Variants in ASXL3 observed in about 807,000 individuals in gnomAD.
ASXL3 encodes ASXL transcriptional regulator 3, also known as putative Polycomb group protein ASXL3.
ASXL3 carries 34 observed loss-of-function variants against 170.6 expected under a neutral mutation model. The observed-to-expected ratio is 0.20, with a 90% CI of 0.15 to 0.27. The LOEUF (loss-of-function observed/expected upper bound fraction) is 0.27. Ranked by LOEUF, ASXL3 falls within the 10% of genes least tolerant of loss-of-function variation. The probability of loss-of-function intolerance (pLI) is 1.00; values close to 1 mark genes in which losing one functional copy is unlikely to be tolerated. For missense variants in ASXL3, 2,592 were observed against 2,695.3 expected, an observed-to-expected ratio of 0.96 and a Z score of 0.85; for synonymous variants, 1,002 against 989.1, an observed-to-expected ratio of 1.01 and a Z score of -0.24.
At chr18:33,685,938 C>T (rs2066589607) in intron 8 of ASXL3, among the ~76,000 whole-genome samples, 1 of 152,212 alleles carries the variant, frequency 6.6e-6, no homozygotes, top group South Asian at 2.1e-4. Context: ...GGTCACATTT[C>T]AACATGAGGT....
Position 33,713,306 on chromosome 18 carries a change from G to A in ASXL3, c.880-18662G>A, listed in dbSNP as rs1331072208. On this transcript the variant is annotated intron_variant, in intron 8 of 11. Coordinates refer to ENST00000269197, the MANE Select transcript of ASXL3 (RefSeq NM_030632.3). ...GGGTCTTACCGTCACCCAGGCTGGAGTGCAGTGGCACAATCTTGGCTCACT... is the reference window on the plus strand; with the variant it reads ...GGGTCTTACCGTCACCCAGGCTGGAATGCAGTGGCACAATCTTGGCTCACT... Among the ~76,000 whole-genome samples the A allele has an allele frequency of 5.1e-5, 5 of 99,002 alleles. 1 individual carries two copies. The highest frequency in any genetic ancestry group is 6.8e-4 in the South Asian group (2 of 2,926). The allele number at this position is 99,002 out of a possible 152,430, so 64.9% of individuals were successfully genotyped here. A position where few individuals can be genotyped will look rare whatever the true frequency, so the allele number is the denominator to read the frequency against.
intron 2 of ASXL3, among the ~76,000 whole-genome samples, chr18:33,638,332 G>A (rs2065801146): frequency 6.6e-6 from 1 of 151,786 alleles, no homozygotes; most frequent in South Asian, 2.1e-4. Context: ...CAAAATGTTG[G>A]GATTACGGGC....
chr18:33,622,292 C>T (rs1436305185), intron 2 of ASXL3, among the ~76,000 whole-genome samples: 1 of 152,046 alleles, frequency 6.6e-6, no homozygotes, highest in African/African-American at 2.4e-5. Context: ...TGATATTGAT[C>T]CCTGACCTTC....
At chr18:33,590,258 C>G (rs895360700) in intron 1 of ASXL3, among the ~76,000 whole-genome samples, 2 of 151,878 alleles carry the variant, frequency 1.3e-5, no homozygotes, top group Non-Finnish European at 2.9e-5. Flanking sequence ...AAGACAATCT[C>G]AGTCTCTTTT....
intron 8 of ASXL3, among the ~76,000 whole-genome samples, chr18:33,692,825 A>T (rs1295989353): frequency 6.6e-6 from 1 of 152,216 alleles, no homozygotes; most frequent in Non-Finnish European, 1.5e-5. Flanking sequence ...TTAGCCACAG[A>T]TATTAGAGAA....
intron 8 of ASXL3, among the ~76,000 whole-genome samples, chr18:33,692,656 T>C (rs2066704848): frequency 6.6e-6 from 1 of 152,208 alleles, no homozygotes; most frequent in Non-Finnish European, 1.5e-5. Flanking sequence ...TTTTCCTCAT[T>C]GGAATAATGG....
At chr18:33,607,434 T>C (rs907356552) in intron 1 of ASXL3, among the ~76,000 whole-genome samples, 160 bp from the exon 2 acceptor site, 3 of 151,946 alleles carry the variant, frequency 2.0e-5, no homozygotes, top group Admixed American at 1.3e-4. Flanking sequence ...TCCAAAAAAA[T>C]TACGTTCTTC....
chr18:33,687,865 G>C (rs571179362), intron 8 of ASXL3, among the ~76,000 whole-genome samples: 2 of 152,082 alleles, frequency 1.3e-5, no homozygotes, highest in South Asian at 4.1e-4. Context: ...ACATTTATTG[G>C]CTCAGTTAAT....
chr18:33,681,800 T>C (rs141081684), intron 7 of ASXL3, among the ~76,000 whole-genome samples: 2 of 152,208 alleles, frequency 1.3e-5, no homozygotes, highest in East Asian at 1.9e-4. Context: ...TCTATAAATA[T>C]GCATTTTGAC....
At chr18:33,682,636 T>A (rs1032824660) in intron 7 of ASXL3, among the ~76,000 whole-genome samples, 1 of 152,012 alleles carries the variant, frequency 6.6e-6, no homozygotes, top group Non-Finnish European at 1.5e-5. Context: ...CACCCCTACC[T>A]CCCGCGCTTA....
chr18:33,676,222 C>CAAAAAAAAAAAAAAAAA (rs568221465), intron 7 of ASXL3, among the ~76,000 whole-genome samples: 5,871 of 41,592 alleles, frequency 0.14, 1,281 homozygotes, highest in East Asian at 0.21. Flanking sequence ...GACTCCGTCT[C>CAAAAAAAAAAAAAAAAA]AAAAAAAAAA....
Position 33,743,371 on chromosome 18 carries a change from C to G in ASXL3, c.3523C>G (p.Leu1175Val). 1 of 1,613,268 alleles carries G rather than the reference C, an allele frequency of 6.2e-7. No homozygotes were observed. The highest frequency in any genetic ancestry group is 2.2e-5 in the East Asian group (1 of 44,862). Residue 1175 changes from leucine (L) to valine (V), a missense_variant, in exon 12 of 12, where the codon CTC (leucine) becomes GTC (valine). Around this residue, in one of 4 missense-constraint regions of ASXL3, gnomAD observed 2,246 missense variants for 2,219.6 expected, o/e 1.01. Coordinates refer to ENST00000269197, the MANE Select transcript of ASXL3 (RefSeq NM_030632.3). ...ATCTCCTAGCAACAAGTCTGCCCACCTCCGGGAGACCACCACTGTACTACA... is the reference window on the plus strand; with the variant it reads ...ATCTCCTAGCAACAAGTCTGCCCACGTCCGGGAGACCACCACTGTACTACA... ...CRSPSNKSAH[L>V]RETTTVLQQS...
chr18:33,643,866 A>G (rs2065880231), intron 2 of ASXL3, among the ~76,000 whole-genome samples: 1 of 151,878 alleles, frequency 6.6e-6, no homozygotes, highest in Admixed American at 6.6e-5. Flanking sequence ...ATAATTCCTA[A>G]GAAGCATGTG....
chr18:33,749,591 TTAA>T lies in ASXL3; in HGVS notation c.*3000_*3002del, dbSNP rs1284261615. 2.0e-5 allele frequency: 3 copies of T among 152,180 alleles called. No individual in the cohort carries two copies. Among genetic ancestry groups the T allele is most frequent in the African/African-American group, 7.2e-5 (3 of 41,450 alleles). 9.4% of individuals were successfully genotyped at this position (152,180 alleles called of 1,614,324 possible). ...ACATTTAGGTTAGTTAATGGGCATG[TTAA>T]TAAGAGCATTGTGATGCAAATTCAT... is the stretch of plus-strand genomic sequence containing the variant. On this transcript the variant is annotated 3_prime_UTR_variant, in exon 12 of 12. Coordinates refer to ENST00000269197, the MANE Select transcript of ASXL3 (RefSeq NM_030632.3).
At chr18:33,694,646 A>T (rs1364534373) in intron 8 of ASXL3, among the ~76,000 whole-genome samples, 1 of 151,822 alleles carries the variant, frequency 6.6e-6, no homozygotes, top group African/African-American at 2.4e-5. Context: ...ATTTTAGTCA[A>T]TTTTTACTAA....
intron 2 of ASXL3, among the ~76,000 whole-genome samples, chr18:33,628,338 A>G (rs2065630222): frequency 6.6e-6 from 1 of 152,108 alleles, no homozygotes; most frequent in Non-Finnish European, 1.5e-5. Context: ...CCCTAGAGAA[A>G]AGATTTTGAA....
intron 8 of ASXL3, among the ~76,000 whole-genome samples, chr18:33,727,456 G>T (rs2040203): frequency 0.59 from 90,018 of 151,884 alleles, 27,865 homozygotes; most frequent in East Asian, 0.88. Context: ...ATGTTAATAG[G>T]ATCCATACCA....
intron 1 of ASXL3, among the ~76,000 whole-genome samples, chr18:33,589,270 A>C (rs1000299018): frequency 2.6e-5 from 4 of 152,198 alleles, no homozygotes; most frequent in Admixed American, 2.6e-4. Context: ...TAATGTGTGT[A>C]GCGTAGTTTT....
intron 1 of ASXL3, among the ~76,000 whole-genome samples, chr18:33,600,892 G>T (rs535060499): frequency 6.6e-6 from 1 of 152,190 alleles, no homozygotes; most frequent in East Asian, 1.9e-4. Flanking sequence ...TATCATAATT[G>T]CTTGAAAGTT....
Sources: allele counts gnomAD v4.1 joint callset (sites outside exome capture counted in the v4.1 genomes callset), GRCh38; gene constraint gnomAD v4.1.1; regional missense constraint gnomAD v4.1.1; transcripts MANE v1.5; gene names NCBI Gene and HGNC (gene_info 2026-07-23, HGNC 2026-07-21).